The following PRKN variants were observed in gnomAD, a reference collection of about 807,000 sequenced individuals.
PRKN encodes E3 ubiquitin-protein ligase parkin.
In PRKN, 56 loss-of-function variants were observed where a neutral mutation model predicts 59.5. The observed-to-expected ratio is 0.94, with a 90% CI of 0.76 to 1.18. The LOEUF (loss-of-function observed/expected upper bound fraction) is 1.18, where lower values mean the gene tolerates loss of function less well. PRKN is among the 50% of genes most tolerant of loss of function. The pLI, the probability that PRKN is intolerant of heterozygous loss-of-function variation, is 0.00. For synonymous variants in PRKN, 250 were observed against 222.1 expected, an observed-to-expected ratio of 1.13 and a Z score of -1.12; for missense variants, 657 against 596.4, an observed-to-expected ratio of 1.10 and a Z score of -1.06.
At chr6:162,260,085 G>A (rs997404332) in intron 3 of PRKN, among the ~76,000 whole-genome samples, 2 of 152,178 alleles carry the variant, frequency 1.3e-5, no homozygotes, top group African/African-American at 2.4e-5. Flanking sequence ...GTAGCAGCAT[G>A]TAGGGTGCCA....
In PRKN at chr6:162,541,297, A is replaced by C. The variant is rs183874984; in HGVS notation, c.8-97824T>G. ...ATATAGGGTGATCAGGAAGGCCTCA[A>C]GATAAGGTGACATTTCAGGAAGGCC... On this transcript the variant is annotated intron_variant, in intron 1 of 11. Coordinates refer to ENST00000366898, the MANE Select transcript of PRKN (RefSeq NM_004562.3). Among the ~76,000 whole-genome samples the C allele has an allele frequency of 1.4e-3, 207 of 152,326 alleles. 3 individuals are homozygous for C. The highest frequency in any genetic ancestry group is 4.8e-3 in the African/African-American group (198 of 41,578).
chr6:162,014,119 G>A (rs1274561488), intron 5 of PRKN, among the ~76,000 whole-genome samples: 1 of 151,998 alleles, frequency 6.6e-6, no homozygotes. Context: ...CCCCCCATCG[G>A]GAAATTTATC....
chr6:162,295,101 T>C (rs984274831), intron 2 of PRKN, among the ~76,000 whole-genome samples: 1 of 152,210 alleles, frequency 6.6e-6, no homozygotes, highest in African/African-American at 2.4e-5. Context: ...TTTCAGAATC[T>C]GTGTGAGAAG....
intron 6 of PRKN, among the ~76,000 whole-genome samples, chr6:161,972,820 T>TC (rs1780874495): frequency 6.6e-6 from 1 of 152,116 alleles, no homozygotes; most frequent in African/African-American, 2.4e-5. Context: ...TCACCTGAGG[T>TC]CAGGAGTTCA....
intron 2 of PRKN, among the ~76,000 whole-genome samples, chr6:162,265,741 G>C (rs1177421310): frequency 6.6e-6 from 1 of 152,144 alleles, no homozygotes; most frequent in Non-Finnish European, 1.5e-5. Context: ...CCAGACCTGA[G>C]TCCAACCCAC....
At chr6:161,901,098 A>C (rs559344168) in intron 6 of PRKN, among the ~76,000 whole-genome samples, 2 of 151,690 alleles carry the variant, frequency 1.3e-5, no homozygotes, top group Admixed American at 1.3e-4. Flanking sequence ...TTGTATTTTT[A>C]GTAGAGATGG....
intron 4 of PRKN, among the ~76,000 whole-genome samples, chr6:162,190,525 C>T (rs1784233112): frequency 6.6e-6 from 1 of 152,180 alleles, no homozygotes; most frequent in African/African-American, 2.4e-5. Context: ...TTCTTTCTCG[C>T]CGGGTGACCC....
chr6:162,636,716 G>A (rs1777727077), intron 1 of PRKN, among the ~76,000 whole-genome samples: 1 of 152,218 alleles, frequency 6.6e-6, no homozygotes, highest in East Asian at 1.9e-4. Context: ...TGGGCATGGT[G>A]GCTAACAGCT....
Position 161,660,225 on chromosome 6 carries a change from G to A in PRKN, c.872-90809C>T, listed in dbSNP as rs116974330. On this transcript the variant is annotated intron_variant, in intron 7 of 11. Transcript: ENST00000366898. Reference sequence around the variant, plus strand: ...GGTTTGACCTTGATTCACGTAGTACGCATTGCTGAGCTGAAGCAGGAGAAT... The same window carrying A: ...GGTTTGACCTTGATTCACGTAGTACACATTGCTGAGCTGAAGCAGGAGAAT... Among the ~76,000 whole-genome samples, 14 of 152,248 alleles carry A rather than the reference G, an allele frequency of 9.2e-5. No homozygotes were observed. The East Asian group carries it at 9.7e-4, about 11-fold the overall frequency.
chr6:162,209,876 A>C (rs1276235870), intron 3 of PRKN, among the ~76,000 whole-genome samples: 1 of 149,742 alleles, frequency 6.7e-6, no homozygotes, highest in East Asian at 2.0e-4. Context: ...CAAACACTGC[A>C]TGTTCTCACT....
rs951997316 is a variant in PRKN, at chr6:161,463,319, G to T, written c.1084-76442C>A. 2.0e-5 allele frequency among the ~76,000 whole-genome samples: 3 copies of T among 152,286 alleles called. No individual in the cohort carries two copies. The highest frequency in any genetic ancestry group is 6.8e-3 in the Middle Eastern group (2 of 294). ...AAACTTTCCCAGCTTTCAGAATGAC[G>T]ACTGTTTGGTTCTACCTGGCTTATC... is the stretch of plus-strand genomic sequence containing the variant. On this transcript the variant is annotated intron_variant, in intron 9 of 11. Transcript: ENST00000366898. This position sits in a 1 kb window ranked among gnomAD's most constrained non-coding sequence, Gnocchi z 4.8.
At chr6:162,311,209 C>T (rs1442001167) in intron 2 of PRKN, among the ~76,000 whole-genome samples, 1 of 152,090 alleles carries the variant, frequency 6.6e-6, no homozygotes, top group Non-Finnish European at 1.5e-5. Flanking sequence ...ATTTAAAACA[C>T]TTGCTATAAG....
At chr6:161,897,113 A>G (rs1777657513) in intron 6 of PRKN, among the ~76,000 whole-genome samples, 1 of 152,240 alleles carries the variant, frequency 6.6e-6, no homozygotes, top group South Asian at 2.1e-4. Flanking sequence ...CTTGGCCTAG[A>G]TAGCAGCTAA....
chr6:162,521,083 T>C lies in PRKN; in HGVS notation c.8-77610A>G, dbSNP rs192371249. Among the ~76,000 whole-genome samples, 188 of 152,338 alleles carry C rather than the reference T, an allele frequency of 1.2e-3. 1 individual carries two copies. Among genetic ancestry groups the C allele is most frequent in the Admixed American group, 2.2e-3 (34 of 15,296 alleles). On this transcript the variant is annotated intron_variant, in intron 1 of 11. Transcript: ENST00000366898. ...CTATTTAAGAAAGGGCCTTAATGAA[T>C]GCTGCTGTAATAATTTAAATAGAAA...
At chr6:161,748,346 C>G (rs987977863) in intron 7 of PRKN, among the ~76,000 whole-genome samples, 3 of 151,046 alleles carry the variant, frequency 2.0e-5, no homozygotes, top group African/African-American at 4.9e-5. Flanking sequence ...CCGAATCACT[C>G]TCTTACGTTT....
chr6:162,265,313 C>T (rs1014661847), intron 2 of PRKN: 1 of 152,176 alleles, frequency 6.6e-6, no homozygotes, highest in Admixed American at 6.6e-5. Flanking sequence ...TGTGTCCAGC[C>T]ACATGAATGG....
chr6:161,472,972 T>C (rs568549156), intron 9 of PRKN, among the ~76,000 whole-genome samples: 3 of 152,274 alleles, frequency 2.0e-5, no homozygotes, highest in East Asian at 1.9e-4. Flanking sequence ...CCTGTTAGGA[T>C]GGCCATTATC....
intron 2 of PRKN, among the ~76,000 whole-genome samples, chr6:162,367,914 G>A (rs2128135851): frequency 6.6e-6 from 1 of 152,272 alleles, no homozygotes; most frequent in South Asian, 2.1e-4. Flanking sequence ...GGACCCCTGA[G>A]GATGGGCCGA....
At chr6:161,539,448 C>T (rs146030251) in intron 9 of PRKN, among the ~76,000 whole-genome samples, 122 of 148,868 alleles carry the variant, frequency 8.2e-4, no homozygotes, top group South Asian at 3.4e-3. Flanking sequence ...CGAGCCTTCA[C>T]GGAGTTGGTT....
Sources: allele counts gnomAD v4.1 joint callset (sites outside exome capture counted in the v4.1 genomes callset), GRCh38; gene constraint gnomAD v4.1.1; non-coding constraint Gnocchi (gnomAD v3.1); transcripts MANE v1.5; gene names NCBI Gene and HGNC (gene_info 2026-07-23, HGNC 2026-07-21).